The following SEM1 variants were observed in gnomAD, a reference collection of about 807,000 sequenced individuals.
SEM1 encodes the protein 26S proteasome complex subunit SEM1.
In SEM1, 3 loss-of-function variants were observed where a neutral mutation model predicts 12.7. The ratio of observed to expected loss-of-function variants is 0.24; its 90% CI spans 0.11 to 0.61. The LOEUF is 0.61. SEM1 is among the 20% of genes least tolerant of loss of function. The probability of loss-of-function intolerance (pLI) is 0.88; values close to 1 mark genes in which losing one functional copy is unlikely to be tolerated. For missense variants in SEM1, 59 were observed against 81.3 expected, an observed-to-expected ratio of 0.73 and a Z score of 1.06; for synonymous variants, 30 against 27.8, an observed-to-expected ratio of 1.08 and a Z score of -0.25.
At chr7:96,631,241 T>C (rs904092633) in intron 2 of SEM1, among the ~76,000 whole-genome samples, 4 of 152,146 alleles carry the variant, frequency 2.6e-5, no homozygotes, top group African/African-American at 9.7e-5. Flanking sequence ...CCCAGTGGCC[T>C]AGACTGCCAC....
intron 2 of SEM1, among the ~76,000 whole-genome samples, chr7:96,626,840 T>C (rs553219091): frequency 1.3e-4 from 20 of 152,186 alleles, no homozygotes; most frequent in African/African-American, 4.8e-4. Flanking sequence ...CTATTTTTCA[T>C]AATAGTTTGA....
At chr7:96,585,922 C>G (rs931423008) in intron 2 of SEM1, among the ~76,000 whole-genome samples, 87 of 152,302 alleles carry the variant, frequency 5.7e-4, no homozygotes, top group Non-Finnish European at 1.1e-3. Context: ...AGAAATCACC[C>G]GTCTTCTGCA....
At chr7:96,706,836 G>T (rs985054657) in intron 1 of SEM1, among the ~76,000 whole-genome samples, 7 of 152,072 alleles carry the variant, frequency 4.6e-5, no homozygotes, top group Admixed American at 2.6e-4. Flanking sequence ...TCAACAAAGC[G>T]TTTGAAAGTA....
In SEM1 at chr7:96,588,485, A is replaced by T. The variant is rs539854951; in HGVS notation, c.171-81787T>A. On this transcript the variant is annotated intron_variant and NMD_transcript_variant, in intron 2 of 3. Coordinates refer to the SEM1 transcript ENST00000466986. ...CAACATTAGGTTTGACATGATAGGT[A>T]TATTATTTGATAATAAAAGCTCATT... Among the ~76,000 whole-genome samples the T allele has an allele frequency of 3.7e-5, 4 of 109,146 alleles. No individual in the cohort carries two copies. The South Asian group carries it at 1.3e-3, about 36-fold the overall frequency. The allele number at this position is 109,146 out of a possible 152,430, so 71.6% of individuals were successfully genotyped here.
chr7:96,539,127 A>T (rs183007727), intron 2 of SEM1, among the ~76,000 whole-genome samples: 11 of 151,922 alleles, frequency 7.2e-5, no homozygotes, highest in Non-Finnish European at 1.5e-5. Flanking sequence ...ATCAGCCCTC[A>T]AGGAACTGAA....
chr7:96,566,349 T>C (rs1805843028), intron 2 of SEM1, among the ~76,000 whole-genome samples: 1 of 151,632 alleles, frequency 6.6e-6, no homozygotes, highest in African/African-American at 2.4e-5. Context: ...TATTATGTTA[T>C]TTTAATAAAC....
Position 96,634,032 on chromosome 7 carries a change from A to T in SEM1, c.171-11389T>A, listed in dbSNP as rs558731665. Among the ~76,000 whole-genome samples the T allele has an allele frequency of 6.0e-4, 91 of 152,244 alleles. 2 individuals are homozygous for T. The South Asian group carries it at 0.018, about 30-fold the overall frequency. ...CTTTAAAAGATAGGTAGGTAACCTAAATGCATGATCTCTCCTTGTGTGAGC... is the reference window on the plus strand; with the variant it reads ...CTTTAAAAGATAGGTAGGTAACCTATATGCATGATCTCTCCTTGTGTGAGC... On this transcript the variant is annotated intron_variant, in intron 2 of 2. Transcript: ENST00000417009.
intron 1 of SEM1, among the ~76,000 whole-genome samples, chr7:96,707,303 T>G (rs1790496268): frequency 6.6e-6 from 1 of 152,256 alleles, no homozygotes; most frequent in Non-Finnish European, 1.5e-5. Flanking sequence ...GGTGATATTT[T>G]CTGAAGTGTT....
intron 2 of SEM1, among the ~76,000 whole-genome samples, chr7:96,547,494 G>A (rs146756563): frequency 1.2e-3 from 182 of 152,244 alleles, no homozygotes; most frequent in African/African-American, 4.2e-3. Context: ...CATCTTATAT[G>A]TTTACTATTC....
intron 2 of SEM1, among the ~76,000 whole-genome samples, chr7:96,520,571 T>G (rs1804236947): frequency 6.6e-6 from 1 of 152,136 alleles, no homozygotes; most frequent in African/African-American, 2.4e-5. Context: ...GGTTACTCTC[T>G]AGTCTCTTCC....
intron 1 of SEM1, among the ~76,000 whole-genome samples, chr7:96,700,047 T>G (rs1790222409): frequency 6.6e-6 from 1 of 152,168 alleles, no homozygotes; most frequent in Admixed American, 6.6e-5. Context: ...GGTATAAAAC[T>G]TATACCTCAA....
intron 2 of SEM1, among the ~76,000 whole-genome samples, chr7:96,522,720 A>G (rs1052622336): frequency 1.9e-5 from 1 of 51,720 alleles, no homozygotes; most frequent in Non-Finnish European, 4.1e-5. Flanking sequence ...TCTACTAAAA[A>G]TACCCCCCCC....
chr7:96,631,363 G>A (rs1016090567), intron 2 of SEM1, among the ~76,000 whole-genome samples: 2 of 152,086 alleles, frequency 1.3e-5, no homozygotes, highest in Non-Finnish European at 2.9e-5. Context: ...GTGAGCATCA[G>A]TTAAGTTTCA....
At chr7:96,609,391 C>T (rs1807477703) in intron 2 of SEM1, among the ~76,000 whole-genome samples, 1 of 152,122 alleles carries the variant, frequency 6.6e-6, no homozygotes, top group South Asian at 2.1e-4. Flanking sequence ...TATGAAAATA[C>T]CTTTTTATGT....
At chr7:96,496,383 G>T, upstream of SEM1, 2 of 1,000,374 alleles carry the variant, frequency 2.0e-6, no homozygotes, top group Non-Finnish European at 2.9e-6. Flanking sequence ...ATATAAAAGA[G>T]TGTAAAGCCA....
chr7:96,605,669 AT>A lies in SEM1; in HGVS notation c.170+89128del, dbSNP rs538314089. Among the ~76,000 whole-genome samples the A allele has an allele frequency of 4.2e-3, 632 of 149,324 alleles. 2 individuals carry two copies. The highest frequency in any genetic ancestry group is 0.016 in the South Asian group (74 of 4,704). Reference sequence around the variant, plus strand: ...ATTTTTATGCAGGATGGGATAGGGGATTTTTTTTTTCTCTTGAAATAGAGTT... The same window carrying A: ...ATTTTTATGCAGGATGGGATAGGGGATTTTTTTTTCTCTTGAAATAGAGTT... On this transcript the variant is annotated intron_variant and NMD_transcript_variant, in intron 2 of 3. Coordinates refer to the SEM1 transcript ENST00000466986.
chr7:96,491,028 G>A (rs1802986153), intron 1 of SEM1, among the ~76,000 whole-genome samples: 1 of 152,092 alleles, frequency 6.6e-6, no homozygotes. Context: ...ACTGATGTGG[G>A]GTATACAAAT....
chr7:96,579,763 A>G (rs1806324238), intron 2 of SEM1, among the ~76,000 whole-genome samples: 2 of 152,140 alleles, frequency 1.3e-5, no homozygotes, highest in African/African-American at 4.8e-5. Context: ...ACATGTGATT[A>G]AATAAATTAG....
At chr7:96,630,930 C>T (rs1419185618) in intron 2 of SEM1, among the ~76,000 whole-genome samples, 1 of 152,164 alleles carries the variant, frequency 6.6e-6, no homozygotes, top group East Asian at 1.9e-4. Context: ...AAATGTTGTC[C>T]AGGAGCTACA....
Sources: gnomAD v4.1 joint callset for allele counts (sites outside exome capture counted in the v4.1 genomes callset) on GRCh38, gnomAD v4.1.1 for gene constraint, MANE v1.5 for transcripts, NCBI Gene and HGNC (gene_info 2026-07-23, HGNC 2026-07-21) for gene names.